ETV6: variants seen among roughly 807,000 people sequenced by gnomAD.
The protein encoded by ETV6 is transcription factor ETV6.
In ETV6, 16 loss-of-function variants were observed where a neutral mutation model predicts 51.1. The observed-to-expected ratio is 0.31, with a 90% CI of 0.21 to 0.48. The LOEUF (loss-of-function observed/expected upper bound fraction) is 0.48, where lower values mean the gene tolerates loss of function less well. ETV6 is among the 20% of genes least tolerant of loss of function. The pLI, the probability that ETV6 is intolerant of heterozygous loss-of-function variation, is 0.99. For missense variants in ETV6, 458 were observed against 594.8 expected (o/e 0.77, Z 2.39); for synonymous variants, 240 against 224.1 (o/e 1.07, Z -0.64).
At chr12:11,746,182 G>T (rs192400944) in intron 1 of ETV6, among the ~76,000 whole-genome samples, 1 of 152,174 alleles carries the variant, frequency 6.6e-6, no homozygotes, top group Admixed American at 6.5e-5. Context: ...CGAAATATTC[G>T]AAGGCTGCTA....
chr12:11,668,919 C>T lies in ETV6; in HGVS notation c.33+18759C>T, dbSNP rs189046803. ...TGCTCAAAGATGGGAGGCAGCTGCC[C>T]GTCTGCTCCTGTACTTGGCTGTCCT... On this transcript the variant is annotated intron_variant, in intron 1 of 7. Transcript: ENST00000396373. Among the ~76,000 whole-genome samples, 105 of 152,272 alleles carry T rather than the reference C, an allele frequency of 6.9e-4. 1 individual carries two copies. The East Asian group carries it at 0.013, about 18-fold the overall frequency.
chr12:11,855,751 C>T (rs1266152113), intron 4 of ETV6, among the ~76,000 whole-genome samples: 1 of 152,174 alleles, frequency 6.6e-6, no homozygotes, highest in East Asian at 1.9e-4. Context: ...TCCCTGCCTT[C>T]CTCTCATCCT....
intron 2 of ETV6, among the ~76,000 whole-genome samples, chr12:11,827,477 T>G (rs959653426): frequency 1.3e-5 from 2 of 152,122 alleles, no homozygotes; most frequent in Admixed American, 6.5e-5. Flanking sequence ...TCCCTATGTG[T>G]ATTTTCTGAG....
rs143751340 is a variant in ETV6, at chr12:11,668,854, C to T, written c.33+18694C>T. On this transcript the variant is annotated intron_variant, in intron 1 of 7. Transcript: ENST00000396373. ...GCTATCTTCAGAGCAGGATGTTGGA[C>T]GTTGTGGGCCAGCAGACTGGTTCCT... 2.1e-4 allele frequency among the ~76,000 whole-genome samples: 32 copies of T among 152,242 alleles called. 2 individuals are homozygous for T. The highest frequency in any genetic ancestry group is 7.0e-4 in the African/African-American group (29 of 41,544).
chr12:11,650,801 C>T (rs1477956595), intron 1 of ETV6, among the ~76,000 whole-genome samples: 1 of 152,080 alleles, frequency 6.6e-6, no homozygotes, highest in Non-Finnish European at 1.5e-5. Context: ...TTATTTTACT[C>T]CGATCCATAT....
chr12:11,711,539 A>G (rs982985591), intron 1 of ETV6, among the ~76,000 whole-genome samples: 15 of 152,248 alleles, frequency 9.9e-5, no homozygotes, highest in African/African-American at 3.1e-4. Context: ...ATACCAGTAT[A>G]TAGAGATACT....
chr12:11,729,164 C>T (rs939980113), intron 1 of ETV6, among the ~76,000 whole-genome samples: 10 of 152,220 alleles, frequency 6.6e-5, no homozygotes, highest in African/African-American at 1.4e-4. Flanking sequence ...GCCTTATCAC[C>T]GTTTCCTGCT....
intron 1 of ETV6, among the ~76,000 whole-genome samples, chr12:11,693,556 C>T (rs766987775): frequency 7.2e-5 from 11 of 152,112 alleles, no homozygotes; most frequent in Non-Finnish European, 1.5e-4. Flanking sequence ...AGGCTGTTTG[C>T]TTGGATGGTA....
At chr12:11,666,950 A>C (rs1472439962) in intron 1 of ETV6, among the ~76,000 whole-genome samples, 1 of 152,198 alleles carries the variant, frequency 6.6e-6, no homozygotes, top group African/African-American at 2.4e-5. Flanking sequence ...TGCTTTGCTC[A>C]CATGGGCTCC....
intron 1 of ETV6, among the ~76,000 whole-genome samples, chr12:11,726,215 A>G (rs144220687): frequency 6.6e-6 from 1 of 152,260 alleles, no homozygotes; most frequent in Admixed American, 6.5e-5. Flanking sequence ...GGCATTTGAA[A>G]TGGCAAGGGG....
At chr12:11,820,710 G>T (rs1417417746) in intron 2 of ETV6, among the ~76,000 whole-genome samples, 1 of 152,136 alleles carries the variant, frequency 6.6e-6, no homozygotes, top group African/African-American at 2.4e-5. Flanking sequence ...TGGGAGCTGG[G>T]TACAGACAGG....
intron 4 of ETV6, among the ~76,000 whole-genome samples, chr12:11,855,139 CAAA>C (rs34202702): frequency 2.9e-5 from 4 of 138,032 alleles, no homozygotes; most frequent in African/African-American, 2.8e-5. Context: ...ACTAAAAATA[CAAA>C]AAAAAAAAAA....
intron 2 of ETV6, among the ~76,000 whole-genome samples, chr12:11,830,484 T>C (rs148810741): frequency 7.4e-4 from 112 of 152,350 alleles, no homozygotes; most frequent in African/African-American, 2.7e-3. Flanking sequence ...CCTCGCAGAA[T>C]AGATGATGGC....
chr12:11,759,456 T>C (rs1357574393), intron 2 of ETV6, among the ~76,000 whole-genome samples: 7 of 152,124 alleles, frequency 4.6e-5, no homozygotes. Flanking sequence ...AGCCCAGAGG[T>C]GCCCAGCTTT....
chr12:11,844,288 A>G (rs938741512), intron 3 of ETV6, among the ~76,000 whole-genome samples: 1 of 152,208 alleles, frequency 6.6e-6, no homozygotes, highest in Admixed American at 6.5e-5. Context: ...TAAAAAAGGG[A>G]AAGAAACATA....
At chr12:11,876,633 A>T (rs906476127) in intron 5 of ETV6, among the ~76,000 whole-genome samples, 1 of 152,206 alleles carries the variant, frequency 6.6e-6, no homozygotes, top group African/African-American at 2.4e-5. Context: ...CATTCATTTC[A>T]TAACCCCTCA....
At chr12:11,777,956 A>C (rs1945355498) in intron 2 of ETV6, among the ~76,000 whole-genome samples, 1 of 152,144 alleles carries the variant, frequency 6.6e-6, no homozygotes, top group African/African-American at 2.4e-5. Context: ...ACTGTGCCAG[A>C]TTGATCACCA....
chr12:11,657,637 AT>A (rs551234495), intron 1 of ETV6, among the ~76,000 whole-genome samples: 123 of 152,332 alleles, frequency 8.1e-4, no homozygotes, highest in African/African-American at 2.9e-3. Flanking sequence ...TTGAGGCCTG[AT>A]GGCCTCCCTG....
intron 4 of ETV6, among the ~76,000 whole-genome samples, chr12:11,860,409 C>T (rs1293470470): frequency 6.6e-6 from 1 of 152,140 alleles, no homozygotes; most frequent in Non-Finnish European, 1.5e-5. Context: ...GTTCTAATCC[C>T]AGCTCCCCAG....
Sources: allele counts gnomAD v4.1 joint callset (sites outside exome capture counted in the v4.1 genomes callset), GRCh38; gene constraint gnomAD v4.1.1; transcripts MANE v1.5; gene names NCBI Gene and HGNC (gene_info 2026-07-23, HGNC 2026-07-21).